Variants in UBE3D observed in about 807,000 individuals in gnomAD.
UBE3D encodes the protein E3 ubiquitin-protein ligase E3D.
Under a neutral mutation model 49.6 loss-of-function variants are expected in UBE3D, and 48 were observed. The observed-to-expected ratio is 0.97, with a 90% CI of 0.77 to 1.23. The LOEUF is 1.23. Ranked by LOEUF, UBE3D falls within the 50% of genes most tolerant of loss-of-function variation. UBE3D has a pLI of 0.00. For synonymous variants in UBE3D, 189 were observed against 174.2 expected, an observed-to-expected ratio of 1.08 and a Z score of -0.67; for missense variants, 452 against 468.4, an observed-to-expected ratio of 0.96 and a Z score of 0.32.
At chr6:83,034,662 C>T (rs974201825) in intron 5 of UBE3D, among the ~76,000 whole-genome samples, 1 of 152,158 alleles carries the variant, frequency 6.6e-6, no homozygotes, top group Non-Finnish European at 1.5e-5. Context: ...TCCCTGCTCT[C>T]TCTCTCCTGC....
At chr6:83,000,331 T>C (rs1298966241) in intron 8 of UBE3D, among the ~76,000 whole-genome samples, 1 of 152,204 alleles carries the variant, frequency 6.6e-6, no homozygotes, top group Non-Finnish European at 1.5e-5. Context: ...GAACCAATTA[T>C]CTTCTCCCAA....
intron 9 of UBE3D, among the ~76,000 whole-genome samples, chr6:82,909,574 T>C (rs1349330628): frequency 6.6e-6 from 1 of 152,218 alleles, no homozygotes; most frequent in Non-Finnish European, 1.5e-5. Context: ...AGCTGACTTT[T>C]AACATAAGCA....
At chr6:82,955,175 G>C (rs1024854423) in intron 9 of UBE3D, among the ~76,000 whole-genome samples, 73 of 152,108 alleles carry the variant, frequency 4.8e-4, no homozygotes, top group African/African-American at 1.7e-3. Context: ...ATCCTTAAAG[G>C]GGGCAAGGCC....
chr6:83,046,688 T>C (rs1442295529), intron 3 of UBE3D, among the ~76,000 whole-genome samples: 2 of 100,752 alleles, frequency 2.0e-5, no homozygotes, highest in Admixed American at 1.1e-4. Flanking sequence ...GGGTGGGCGG[T>C]GGCACCGGGG....
intron 7 of UBE3D, among the ~76,000 whole-genome samples, chr6:83,020,502 T>C (rs1781020313): frequency 6.6e-6 from 1 of 152,240 alleles, no homozygotes; most frequent in African/African-American, 2.4e-5. Context: ...GAACACTTTA[T>C]GTTCTTCATG....
chr6:82,924,225 C>G (rs912814664), intron 9 of UBE3D, among the ~76,000 whole-genome samples: 26 of 151,958 alleles, frequency 1.7e-4, no homozygotes, highest in Non-Finnish European at 2.4e-4. Flanking sequence ...GAAAACAAAA[C>G]CCAGATATAG....
At chr6:82,949,634 CAAAATAGCATGGTACTGGCAT>C (rs1192798101) in intron 9 of UBE3D, among the ~76,000 whole-genome samples, 3 of 152,098 alleles carry the variant, frequency 2.0e-5, no homozygotes, top group Non-Finnish European at 2.9e-5. Flanking sequence ...CTATAGTAAC[CAAAATAGCATGGTACTGGCAT>C]AAAACCAGAC....
chr6:82,927,088 A>G (rs750449194), intron 9 of UBE3D, among the ~76,000 whole-genome samples: 12 of 152,114 alleles, frequency 7.9e-5, no homozygotes, highest in Admixed American at 1.3e-4. Context: ...TTGTTCCAAC[A>G]TCATTCATTA....
chr6:82,991,800 A>C (rs1442724582), intron 8 of UBE3D, among the ~76,000 whole-genome samples: 1 of 152,110 alleles, frequency 6.6e-6, no homozygotes, highest in East Asian at 1.9e-4. Flanking sequence ...TGAATTCCCA[A>C]CTTTCAGATT....
At chr6:82,906,193 A>G (rs2127721518) in intron 9 of UBE3D, among the ~76,000 whole-genome samples, 1 of 152,232 alleles carries the variant, frequency 6.6e-6, no homozygotes, top group East Asian at 1.9e-4. Flanking sequence ...TGGTCCACAT[A>G]TTACAATTAA....
chr6:82,916,866 A>G (rs1449774500), intron 9 of UBE3D, among the ~76,000 whole-genome samples: 2 of 152,170 alleles, frequency 1.3e-5, no homozygotes, highest in Non-Finnish European at 2.9e-5. Flanking sequence ...CCCGATACCA[A>G]CTTTATTTAG....
intron 9 of UBE3D, among the ~76,000 whole-genome samples, chr6:82,953,956 C>T (rs986288275): frequency 6.6e-6 from 1 of 152,112 alleles, no homozygotes; most frequent in Non-Finnish European, 1.5e-5. Flanking sequence ...AGAGTATTCT[C>T]CCAGTAGCAG....
intron 8 of UBE3D, among the ~76,000 whole-genome samples, chr6:82,991,663 A>C (rs1473134521): frequency 6.6e-6 from 1 of 152,218 alleles, no homozygotes; most frequent in African/African-American, 2.4e-5. Context: ...AAGGTAAAAA[A>C]GGATAAATTT....
At chr6:83,040,983 G>A (rs1215490356) in intron 4 of UBE3D, among the ~76,000 whole-genome samples, 1 of 152,218 alleles carries the variant, frequency 6.6e-6, no homozygotes, top group African/African-American at 2.4e-5. Context: ...CATTCTGGCA[G>A]TTTAATGCTT....
chr6:82,993,597 T>C (rs113348311), intron 8 of UBE3D, among the ~76,000 whole-genome samples: 1,530 of 152,322 alleles, frequency 0.01, 28 homozygotes, highest in African/African-American at 0.035. Flanking sequence ...ATCAGTGTGC[T>C]ACAAATCCAA....
chr6:82,898,745 G>C (rs1367557008), intron 9 of UBE3D, among the ~76,000 whole-genome samples: 1 of 152,102 alleles, frequency 6.6e-6, no homozygotes, highest in Non-Finnish European at 1.5e-5. Context: ...GTTGATGGGT[G>C]CAGCAAACCA....
intron 9 of UBE3D, among the ~76,000 whole-genome samples, chr6:82,920,816 C>T (rs536337857): frequency 1.8e-4 from 26 of 143,972 alleles, no homozygotes; most frequent in Admixed American, 1.7e-3. Flanking sequence ...TTTACAACTC[C>T]GACTTCTCTT....
intron 3 of UBE3D, among the ~76,000 whole-genome samples, chr6:83,053,943 T>C (rs991951179): frequency 6.6e-6 from 1 of 152,206 alleles, no homozygotes; most frequent in Non-Finnish European, 1.5e-5. Flanking sequence ...GCCAGCATCC[T>C]AGTGCTCCCC....
At chr6:83,045,679 C>T (rs558971591) in intron 3 of UBE3D, among the ~76,000 whole-genome samples, 1 of 152,192 alleles carries the variant, frequency 6.6e-6, no homozygotes, top group African/African-American at 2.4e-5. Flanking sequence ...TTTAGATTTA[C>T]AGAAAACTTA....
Sources: allele counts gnomAD v4.1 joint callset (sites outside exome capture counted in the v4.1 genomes callset), GRCh38; gene constraint gnomAD v4.1.1; transcripts MANE v1.5; gene names NCBI Gene and HGNC (gene_info 2026-07-23, HGNC 2026-07-21).